KCNA2: variants seen among roughly 807,000 people sequenced by gnomAD.
The protein encoded by KCNA2 is potassium voltage-gated channel subfamily A member 2.
KCNA2 carries 11 observed loss-of-function variants against 33.4 expected under a neutral mutation model. The observed-to-expected ratio is 0.33, with a 90% CI of 0.21 to 0.55. The LOEUF (loss-of-function observed/expected upper bound fraction) is 0.55, where lower values mean the gene tolerates loss of function less well. KCNA2 is among the 20% of genes least tolerant of loss of function. The pLI is 0.93. For synonymous variants in KCNA2, 222 were observed against 231.3 expected (o/e 0.96, Z 0.37); for missense variants, 291 against 621.6 (o/e 0.47, Z 5.66).
chr1:110,597,147 A>C lies in KCNA2; in HGVS notation c.*6136T>G. 1 of 985,404 alleles carries C rather than the reference A, an allele frequency of 1.0e-6. No homozygotes were observed. Among genetic ancestry groups the C allele is most frequent in the Non-Finnish European group, 1.2e-6 (1 of 829,902 alleles). The allele number at this position is 985,404 out of a possible 1,614,324, so 61.0% of individuals were successfully genotyped here. ...TGAGCAAGTCAGCTTATTTTGAAAG[A>C]GAGTCAGAGGGCAATTCCCAAATCT... On this transcript the variant is annotated 3_prime_UTR_variant, in exon 3 of 3. Coordinates refer to ENST00000316361, the MANE Select transcript of KCNA2 (RefSeq NM_004974.4).
At chr1:110,621,741 A>G (rs1481856204) in intron 1 of KCNA2, among the ~76,000 whole-genome samples, 3 of 152,222 alleles carry the variant, frequency 2.0e-5, no homozygotes. Context: ...AACTTGGTTG[A>G]AATGGAGAAA....
Position 110,600,811 on chromosome 1 carries a change from C to A in KCNA2, c.*2472G>T. On this transcript the variant is annotated 3_prime_UTR_variant, in exon 3 of 3. Transcript: ENST00000316361. ...AGGCTTTGTGCTGGGCATGGGATGC[C>A]CTGCAGATACCTGGGGATGTGGGTG... 2.0e-6 allele frequency: 2 copies of A among 985,384 alleles called. No homozygotes were observed. Among genetic ancestry groups the A allele is most frequent in the Non-Finnish European group, 2.4e-6 (2 of 829,934 alleles). The allele number at this position is 985,384 out of a possible 1,614,324, so 61.0% of individuals were successfully genotyped here.
At chr1:110,610,731 GTC>G (rs1649834986), upstream of KCNA2, among the ~76,000 whole-genome samples, 3 of 152,134 alleles carry the variant, frequency 2.0e-5, no homozygotes, top group Non-Finnish European at 4.4e-5. Flanking sequence ...CCCAGGGGTC[GTC>G]TCTCCTGGAG....
intron 1 of KCNA2, among the ~76,000 whole-genome samples, chr1:110,631,007 G>T (rs183560558): frequency 6.6e-6 from 1 of 152,196 alleles, no homozygotes; most frequent in African/African-American, 2.4e-5. Context: ...CTCAAGCACA[G>T]GTCTGGCCTT....
chr1:110,603,511 C>T lies in KCNA2; in HGVS notation c.1272G>A (p.Glu424=). The T allele has an allele frequency of 6.2e-7, 1 of 1,614,058 alleles. No individual in the cohort carries two copies. The highest frequency in any genetic ancestry group is 1.1e-5 in the South Asian group (1 of 91,050). Residue 424 remains glutamate, a synonymous_variant, in exon 3 of 3, where the codon GAG becomes GAA. Transcript: ENST00000316361. This position sits in a 1 kb window ranked among gnomAD's most constrained non-coding sequence, Gnocchi z 5.7. ...TCACTTGCAAGTATTGGGCCTGTTC[C>T]TCTCCCTCTGTCTCCCGGTGGTAGA... ...NYFYHRETEG[E]EQAQYLQVTS... is the part of the protein sequence containing the mutation.
At chr1:110,618,615 C>T (rs920781717) in intron 1 of KCNA2, among the ~76,000 whole-genome samples, 3 of 152,144 alleles carry the variant, frequency 2.0e-5, no homozygotes, top group African/African-American at 7.2e-5. Flanking sequence ...GTAGAGAGCC[C>T]TGCTCAGGTG....
At chr1:110,605,050 T>C in intron 2 of KCNA2, 105 bp from the exon 3 acceptor site, 1 of 493,002 alleles carries the variant, frequency 2.0e-6, no homozygotes, top group Non-Finnish European at 3.6e-6. Flanking sequence ...TTCAGACACA[T>C]GATCACCACC....
At chr1:110,610,884 G>A (rs760086401), upstream of KCNA2, among the ~76,000 whole-genome samples, 1 of 152,208 alleles carries the variant, frequency 6.6e-6, no homozygotes, top group Non-Finnish European at 1.5e-5. Context: ...GACAAGGCAA[G>A]GCATCTGACC....
chr1:110,602,614 T>C lies in KCNA2; in HGVS notation c.*669A>G. 1 of 1,000,538 alleles carries C rather than the reference T, an allele frequency of 1.0e-6. No individual in the cohort carries two copies. Among genetic ancestry groups the C allele is most frequent in the Non-Finnish European group, 1.2e-6 (1 of 839,774 alleles). The allele number at this position is 1,000,538 out of a possible 1,614,324, so 62.0% of individuals were successfully genotyped here. A position where few individuals can be genotyped will look rare whatever the true frequency, so the allele number is the denominator to read the frequency against. On this transcript the variant is annotated 3_prime_UTR_variant, in exon 3 of 3. Transcript: ENST00000316361. The stretch of plus-strand genomic sequence containing the variant: ...AGGCCTAAGGGAACAAATGTGAAAC[T>C]TGACAACTCATATTCGGTCATACTA...
At position 110,600,810 on chromosome 1, in the gene KCNA2, C is replaced by T. The variant is rs1649306665; in HGVS notation, c.*2473G>A. 2 of 985,414 alleles carry T rather than the reference C, an allele frequency of 2.0e-6. No homozygotes were observed. The highest frequency in any genetic ancestry group is 2.4e-6 in the Non-Finnish European group (2 of 829,948). 61.0% of individuals were successfully genotyped at this position (985,414 alleles called of 1,614,324 possible). A position where few individuals can be genotyped will look rare whatever the true frequency, so the allele number is the denominator to read the frequency against. The stretch of plus-strand genomic sequence containing the variant: ...GAGGCTTTGTGCTGGGCATGGGATG[C>T]CCTGCAGATACCTGGGGATGTGGGT... On this transcript the variant is annotated 3_prime_UTR_variant, in exon 3 of 3. Coordinates refer to ENST00000316361, the MANE Select transcript of KCNA2 (RefSeq NM_004974.4).
At chr1:110,618,826 CT>C (rs757817651) in intron 1 of KCNA2, among the ~76,000 whole-genome samples, 2 of 152,158 alleles carry the variant, frequency 1.3e-5, no homozygotes, top group Non-Finnish European at 2.9e-5. Context: ...TGGCCTCTGC[CT>C]TCAGACCATC....
chr1:110,610,913 A>C (rs1649842414), upstream of KCNA2, among the ~76,000 whole-genome samples: 1 of 152,116 alleles, frequency 6.6e-6, no homozygotes, highest in Non-Finnish European at 1.5e-5. Context: ...GGTCTGTGCG[A>C]CCCAAGCTCA....
Position 110,604,375 on chromosome 1 carries a change from T to C in KCNA2, c.408A>G (p.Glu136=). The C allele has an allele frequency of 6.2e-7, 1 of 1,614,146 alleles. No homozygotes were observed. The highest frequency in any genetic ancestry group is 8.5e-7 in the Non-Finnish European group (1 of 1,180,016). ...ACTCATTTTCAGGCAGAGGACGCTCTTCCTCCTTGATGTAGCCTTCATCTT... is the reference window on the plus strand; with the variant it reads ...ACTCATTTTCAGGCAGAGGACGCTCCTCCTCCTTGATGTAGCCTTCATCTT... ...FREDEGYIKE[E]ERPLPENEFQ... Residue 136 remains glutamate (E), a synonymous_variant, in exon 3 of 3, where the codon GAA becomes GAG. Coordinates refer to ENST00000316361, the MANE Select transcript of KCNA2 (RefSeq NM_004974.4). This position sits in a 1 kb window ranked among gnomAD's most constrained non-coding sequence, Gnocchi z 7.6.
chr1:110,606,634 CG>C, upstream of KCNA2: 1 of 152,524 alleles, frequency 6.6e-6, no homozygotes, highest in African/African-American at 2.4e-5. Context: ...GCTCCTGCTG[CG>C]GGCCCAAGCG....
chr1:110,606,525 G>T (rs1034396809), upstream of KCNA2: 1 of 152,280 alleles, frequency 6.6e-6, no homozygotes, highest in Non-Finnish European at 1.5e-5. Context: ...CCGGGATTCC[G>T]TTCGGCGCAC....
intron 1 of KCNA2, among the ~76,000 whole-genome samples, chr1:110,611,967 T>G (rs1392675616): frequency 6.6e-6 from 1 of 152,082 alleles, no homozygotes; most frequent in East Asian, 1.9e-4. Context: ...GAGGTTGCAG[T>G]GAGCTGAGAT....
In KCNA2 at chr1:110,601,980, C is replaced by T. The variant is rs758210813; in HGVS notation, c.*1303G>A. 2.2e-5 allele frequency: 33 copies of T among 1,529,950 alleles called. No individual in the cohort carries two copies. Among genetic ancestry groups the T allele is most frequent in the African/African-American group, 5.5e-5 (4 of 72,516 alleles). 94.8% of individuals were successfully genotyped at this position (1,529,950 alleles called of 1,614,324 possible). On this transcript the variant is annotated 3_prime_UTR_variant, in exon 3 of 3. Coordinates refer to ENST00000316361, the MANE Select transcript of KCNA2 (RefSeq NM_004974.4). ...CTATCACTAGCTAGGTAGAGGAACG[C>T]GTGAAAGAGAGATACTCGATATATA...
In KCNA2 at chr1:110,595,584, A is replaced by G. The variant is rs975505128; in HGVS notation, c.*7699T>C. The G allele has an allele frequency of 3.0e-6, 3 of 985,358 alleles. No homozygotes were observed. The African/African-American group carries it at 5.2e-5, about 17-fold the overall frequency. 61.0% of individuals were successfully genotyped at this position (985,358 alleles called of 1,614,324 possible). A position where few individuals can be genotyped will look rare whatever the true frequency, so the allele number is the denominator to read the frequency against. ...AATGCAAGAGGTGAGGCTGAGAGAA[A>G]CTGTCTTCCATGGATCTAACACACT... On this transcript the variant is annotated 3_prime_UTR_variant, in exon 3 of 3. Coordinates refer to ENST00000316361, the MANE Select transcript of KCNA2 (RefSeq NM_004974.4).
At chr1:110,606,387 G>A (rs992997577), upstream of KCNA2, 1 of 152,200 alleles carries the variant, frequency 6.6e-6, no homozygotes, top group Non-Finnish European at 1.5e-5. Flanking sequence ...GCTGCGAGGC[G>A]GCTTGGCAGC....
Sources: gnomAD v4.1 joint callset for allele counts (sites outside exome capture counted in the v4.1 genomes callset) on GRCh38, gnomAD v4.1.1 for gene constraint, Gnocchi (gnomAD v3.1) non-coding constraint, MANE v1.5 for transcripts, NCBI Gene and HGNC (gene_info 2026-07-23, HGNC 2026-07-21) for gene names.